SETBP1: variants seen among roughly 807,000 people sequenced by gnomAD.
The protein encoded by SETBP1 is SET binding protein 1, also known as SET-binding protein.
In SETBP1, 9 loss-of-function variants were observed where a neutral mutation model predicts 101.0. The observed-to-expected ratio is 0.09, with a 90% CI of 0.05 to 0.16. The LOEUF (loss-of-function observed/expected upper bound fraction) is 0.16, where lower values mean the gene tolerates loss of function less well. SETBP1 is among the 10% of genes least tolerant of loss of function. The pLI, the probability that SETBP1 is intolerant of heterozygous loss-of-function variation, is 1.00. For synonymous variants in SETBP1, 818 were observed against 788.5 expected (o/e 1.04, Z -0.63); for missense variants, 1,858 against 2,033.8 (o/e 0.91, Z 1.66).
chr18:44,918,395 G>A (rs566408131), intron 3 of SETBP1, among the ~76,000 whole-genome samples: 2 of 152,174 alleles, frequency 1.3e-5, no homozygotes, highest in South Asian at 2.1e-4. Context: ...AGGCTTCCTC[G>A]GCAGCGGCCT....
intron 2 of SETBP1, among the ~76,000 whole-genome samples, chr18:44,858,326 A>G (rs1355005526): frequency 6.6e-6 from 1 of 152,232 alleles, no homozygotes; most frequent in Non-Finnish European, 1.5e-5. Context: ...GGCATTTGCA[A>G]TGCCAGTAAC....
chr18:44,720,905 C>CCG (rs2069574147), intron 2 of SETBP1, among the ~76,000 whole-genome samples: 4 of 93,894 alleles, frequency 4.3e-5, no homozygotes, highest in Admixed American at 2.0e-4. Flanking sequence ...CCTCCAACCC[C>CCG]CACCCCCCAC....
chr18:44,953,611 G>A (rs1195231847), intron 4 of SETBP1, among the ~76,000 whole-genome samples: 1 of 152,152 alleles, frequency 6.6e-6, no homozygotes, highest in African/African-American at 2.4e-5. Context: ...TGCCCACTAT[G>A]GTTATGCTTT....
intron 2 of SETBP1, among the ~76,000 whole-genome samples, chr18:44,722,870 A>G (rs2069629861): frequency 6.6e-6 from 1 of 152,172 alleles, no homozygotes; most frequent in Admixed American, 6.5e-5. Flanking sequence ...CAGCACAAAT[A>G]CCGTTTCTTT....
chr18:44,898,023 T>C (rs2069948784), intron 3 of SETBP1, among the ~76,000 whole-genome samples: 1 of 152,180 alleles, frequency 6.6e-6, no homozygotes, highest in Admixed American at 6.5e-5. Context: ...ATGGTAATTG[T>C]TGTGATAGTG....
chr18:45,031,207 C>A (rs373271220), intron 4 of SETBP1, among the ~76,000 whole-genome samples: 2 of 152,046 alleles, frequency 1.3e-5, no homozygotes, highest in East Asian at 1.9e-4. Context: ...TTTGAATGGG[C>A]TTTTGTGATT....
At chr18:44,906,346 G>T (rs1189027543) in intron 3 of SETBP1, among the ~76,000 whole-genome samples, 1 of 152,168 alleles carries the variant, frequency 6.6e-6, no homozygotes, top group East Asian at 1.9e-4. Flanking sequence ...AAAGTGACTA[G>T]CACCTACTCT....
intron 2 of SETBP1, among the ~76,000 whole-genome samples, chr18:44,737,732 G>T (rs1447055451): frequency 6.6e-6 from 1 of 152,200 alleles, no homozygotes; most frequent in Non-Finnish European, 1.5e-5. Context: ...TGTAGGCAGT[G>T]AGTTTCCAAT....
chr18:44,823,337 C>T (rs1210128012), intron 2 of SETBP1, among the ~76,000 whole-genome samples: 2 of 152,176 alleles, frequency 1.3e-5, no homozygotes, highest in Non-Finnish European at 2.9e-5. Context: ...GAAAAAGATC[C>T]ATGCTTTCAT....
intron 4 of SETBP1, among the ~76,000 whole-genome samples, chr18:45,030,155 G>T (rs1263809560): frequency 0.041 from 5,981 of 145,488 alleles, 128 homozygotes; most frequent in Non-Finnish European, 0.052. Context: ...GTTTGTCATA[G>T]ATAGCTCTTA....
intron 3 of SETBP1, among the ~76,000 whole-genome samples, chr18:44,925,383 G>T (rs60945879): frequency 1.3e-5 from 2 of 152,132 alleles, no homozygotes; most frequent in Admixed American, 1.3e-4. Context: ...ACTCACTGCA[G>T]AAAAACCAGG....
chr18:44,987,115 T>C (rs2072258002), intron 4 of SETBP1: 1 of 152,214 alleles, frequency 6.6e-6, no homozygotes, highest in Non-Finnish European at 1.5e-5. Flanking sequence ...TGTAATAGCC[T>C]CTATGATATT....
intron 2 of SETBP1, among the ~76,000 whole-genome samples, chr18:44,812,648 G>A (rs1181898232): frequency 1.3e-5 from 2 of 152,120 alleles, no homozygotes; most frequent in African/African-American, 2.4e-5. Flanking sequence ...TGGACTCCAG[G>A]AGAGTTGCCT....
chr18:44,974,474 A>C (rs905640898), intron 4 of SETBP1, among the ~76,000 whole-genome samples: 1 of 152,210 alleles, frequency 6.6e-6, no homozygotes, highest in Non-Finnish European at 1.5e-5. Flanking sequence ...GGAGGAGTCT[A>C]GGATTATTCA....
intron 4 of SETBP1, among the ~76,000 whole-genome samples, chr18:44,976,495 G>T (rs1265140185): frequency 3.9e-5 from 6 of 152,232 alleles, no homozygotes; most frequent in Non-Finnish European, 8.8e-5. Context: ...GCCCTGCTGT[G>T]CCTAGTCTGG....
intron 2 of SETBP1, among the ~76,000 whole-genome samples, chr18:44,806,623 C>CTTTTTTTTTTTTTT (rs71177656): frequency 1.4e-4 from 4 of 27,830 alleles, no homozygotes; most frequent in African/African-American, 2.4e-4. Context: ...TAATGAGCTC[C>CTTTTTTTTTTTTTT]TTTTTTTTTT....
chr18:44,740,262 T>A (rs112025895), intron 2 of SETBP1, among the ~76,000 whole-genome samples: 4,061 of 152,234 alleles, frequency 0.027, 109 homozygotes, highest in South Asian at 0.11. Context: ...CTTGGGAAGG[T>A]TGCCCATTTT....
intron 2 of SETBP1, among the ~76,000 whole-genome samples, chr18:44,717,342 C>G (rs1296601611): frequency 6.6e-6 from 1 of 152,220 alleles, no homozygotes; most frequent in Non-Finnish European, 1.5e-5. Flanking sequence ...ACAGTTGGGT[C>G]GAATCTTGAG....
intron 2 of SETBP1, among the ~76,000 whole-genome samples, chr18:44,761,827 C>A (rs1484960677): frequency 6.6e-6 from 1 of 152,144 alleles, no homozygotes; most frequent in Admixed American, 6.5e-5. Context: ...CTTTTTCCTG[C>A]TAAGGGGAGA....
Sources: gnomAD v4.1 joint callset for allele counts (sites outside exome capture counted in the v4.1 genomes callset) on GRCh38, gnomAD v4.1.1 for gene constraint, MANE v1.5 for transcripts, NCBI Gene and HGNC (gene_info 2026-07-23, HGNC 2026-07-21) for gene names.